The following CDCP1 variants were observed in gnomAD, a reference collection of about 807,000 sequenced individuals.
CDCP1 encodes CUB domain-containing protein 1.
CDCP1 carries 29 observed loss-of-function variants against 60.2 expected under a neutral mutation model. The ratio of observed to expected loss-of-function variants is 0.48; its 90% CI spans 0.36 to 0.66. The LOEUF is 0.66. Ranked by LOEUF, CDCP1 falls within the 30% of genes least tolerant of loss-of-function variation. CDCP1 has a pLI of 0.00. For synonymous variants in CDCP1, 387 were observed against 431.1 expected, an observed-to-expected ratio of 0.90 and a Z score of 1.27; for missense variants, 876 against 1,074.3, an observed-to-expected ratio of 0.82 and a Z score of 2.58.
chr3:45,085,505 GC>G lies in CDCP1; in HGVS notation c.*132del, dbSNP rs1311694220. The G allele has an allele frequency of 3.5e-6, 3 of 860,802 alleles. No individual in the cohort carries two copies. Among genetic ancestry groups the G allele is most frequent in the Admixed American group, 2.4e-5 (1 of 42,476 alleles). The allele number at this position is 860,802 out of a possible 1,614,324, so 53.3% of individuals were successfully genotyped here. On this transcript the variant is annotated 3_prime_UTR_variant, in exon 9 of 9. Coordinates refer to ENST00000296129, the MANE Select transcript of CDCP1 (RefSeq NM_022842.5). The surrounding 1 kb of genome is among the most constrained non-coding windows in gnomAD (Gnocchi z 4.2). The stretch of plus-strand genomic sequence containing the variant: ...GAGTCCACTGAGCAATGTGAAGTTG[GC>G]GGTGTCCAGGAAAACCTCCTGCTGT...
At chr3:45,108,399 A>C (rs751538521) in intron 4 of CDCP1, among the ~76,000 whole-genome samples, 2 of 152,170 alleles carry the variant, frequency 1.3e-5, no homozygotes, top group Non-Finnish European at 2.9e-5. Flanking sequence ...TTGCCCTTTA[A>C]TCTCAGCACT....
chr3:45,122,473 T>A (rs1450878975), intron 1 of CDCP1, among the ~76,000 whole-genome samples: 1 of 149,638 alleles, frequency 6.7e-6, no homozygotes. Context: ...TTTAGAAATT[T>A]TTTTTTGAGA....
At chr3:45,135,376 T>C (rs1159680116) in intron 1 of CDCP1, among the ~76,000 whole-genome samples, 2 of 151,996 alleles carry the variant, frequency 1.3e-5, no homozygotes, top group Non-Finnish European at 2.9e-5. Flanking sequence ...CTGCATTCCT[T>C]CCTTACAGTA....
chr3:45,138,662 G>A (rs1029466314), intron 1 of CDCP1, among the ~76,000 whole-genome samples: 3 of 152,026 alleles, frequency 2.0e-5, no homozygotes, highest in Non-Finnish European at 4.4e-5. Context: ...CAGCCTGGCC[G>A]ACATGGTGAA....
chr3:45,095,252 T>C (rs1698378602), intron 5 of CDCP1, 95 bp downstream of exon 5: 1 of 1,158,444 alleles, frequency 8.6e-7, no homozygotes, highest in Non-Finnish European at 1.3e-6. Context: ...CTTTTTGATA[T>C]GATTTACAAC....
chr3:45,111,839 A>AT lies in CDCP1; in HGVS notation c.655+243dup, dbSNP rs1038022195. On this transcript the variant is annotated intron_variant, in intron 3 of 8. Coordinates refer to ENST00000296129, the MANE Select transcript of CDCP1 (RefSeq NM_022842.5). ...GGGTCTGTAGAACCAATCCCTTGTC[A>AT]TTTTTTTGAAAACAAGTATCACATG... is the stretch of plus-strand genomic sequence containing the variant. Among the ~76,000 whole-genome samples, 8 of 152,322 alleles carry AT rather than the reference A, an allele frequency of 5.3e-5. No individual in the cohort carries two copies. In the South Asian group the frequency reaches 1.2e-3, roughly 24 times the overall value.
chr3:45,112,484 C>A (rs1446596190), intron 2 of CDCP1, 39 bp from the exon 3 acceptor site: 1 of 1,587,772 alleles, frequency 6.3e-7, no homozygotes, highest in East Asian at 2.2e-5. Flanking sequence ...ATCACAGATG[C>A]TCCAAGGCCC....
intron 4 of CDCP1, among the ~76,000 whole-genome samples, chr3:45,103,005 C>T (rs1327355097): frequency 6.6e-6 from 1 of 151,464 alleles, no homozygotes; most frequent in African/African-American, 2.4e-5. Flanking sequence ...TAATAAAATA[C>T]ACAGATCTTA....
chr3:45,088,311 G>A (rs1257612243), intron 8 of CDCP1, among the ~76,000 whole-genome samples: 2 of 150,868 alleles, frequency 1.3e-5, no homozygotes, highest in African/African-American at 4.9e-5. Flanking sequence ...GTGAAATCCC[G>A]TTTCTACAAA....
chr3:45,110,785 C>T lies in CDCP1; in HGVS notation c.712G>A (p.Ala238Thr). Residue 238 changes from alanine to threonine, a missense_variant, in exon 4 of 9, where the codon GCC becomes ACC. Ala to Thr is a moderately conservative substitution (Grantham distance 58, BLOSUM62 0). Around this residue, in one of 2 missense-constraint regions of CDCP1, gnomAD observed 726 missense variants for 935.7 expected, o/e 0.78. Transcript: ENST00000296129. ...EGEGSATLMS[A>T]NYPEGFPEDE... ...TCAGGGAAGCCTTCTGGGTAGTTGGCAGACATCAGGGTTGCTGAGCCTTCA... is the reference window on the plus strand; with the variant it reads ...TCAGGGAAGCCTTCTGGGTAGTTGGTAGACATCAGGGTTGCTGAGCCTTCA... 6.2e-7 allele frequency: 1 copy of T among 1,614,112 alleles called. No homozygotes were observed. The highest frequency in any genetic ancestry group is 8.5e-7 in the Non-Finnish European group (1 of 1,180,016).
At chr3:45,115,511 G>T (rs886682353) in intron 2 of CDCP1, among the ~76,000 whole-genome samples, 33 of 152,076 alleles carry the variant, frequency 2.2e-4, no homozygotes, top group Non-Finnish European at 2.9e-4. Flanking sequence ...ACTATTTTGG[G>T]CATCTTTCTA....
chr3:45,088,853 G>GTT (rs545350266), intron 8 of CDCP1, among the ~76,000 whole-genome samples: 359 of 151,964 alleles, frequency 2.4e-3, no homozygotes, highest in African/African-American at 8.4e-3. Context: ...TGTCACGTGT[G>GTT]TTTTATCCCC....
At chr3:45,145,949 C>G (rs113817122) in intron 1 of CDCP1, among the ~76,000 whole-genome samples, 5,739 of 151,936 alleles carry the variant, frequency 0.038, 102 homozygotes, top group Middle Eastern at 0.096. Context: ...GCTCCCCGAT[C>G]GGGGACACTC....
chr3:45,145,119 T>C (rs779221248), intron 1 of CDCP1, among the ~76,000 whole-genome samples: 25 of 152,178 alleles, frequency 1.6e-4, no homozygotes, highest in Non-Finnish European at 3.2e-4. Context: ...GGAGCTTATA[T>C]TGATATTTTA....
chr3:45,111,205 T>C (rs1403930068), intron 3 of CDCP1, among the ~76,000 whole-genome samples: 1 of 152,190 alleles, frequency 6.6e-6, no homozygotes, highest in African/African-American at 2.4e-5. Context: ...TCCATACAGA[T>C]ACGACAACAC....
rs1553609887 is a variant in CDCP1 at position 45,112,128 on chromosome 3, T to C, written c.610A>G (p.Arg204Gly). The part of the protein sequence containing the change: ...MALHLPWFHP[R>G]NVSGFSIANR... ...GCAATGCTGAAGCCGGAGACATTTC[T>C]GGGGTGGAACCATGGGAGGTGTAAG... The change falls in exon 3 of 9, where the codon AGA becomes GGA. Residue 204 changes from arginine to glycine, a missense_variant. Arg to Gly is a moderately radical substitution (Grantham distance 125). Coordinates refer to ENST00000296129, the MANE Select transcript of CDCP1 (RefSeq NM_022842.5). 3.7e-6 allele frequency: 6 copies of C among 1,614,082 alleles called. No homozygotes were observed. The South Asian group carries it at 6.6e-5, about 18-fold the overall frequency.
Position 45,091,608 on chromosome 3 carries a change from G to A in CDCP1, c.1628-70C>T, listed in dbSNP as rs1350643020. 12 of 1,490,580 alleles carry A rather than the reference G, an allele frequency of 8.1e-6. No individual in the cohort carries two copies. The African/African-American group carries it at 1.5e-4, about 19-fold the overall frequency. 92.3% of individuals were successfully genotyped at this position (1,490,580 alleles called of 1,614,324 possible). A position where few individuals can be genotyped will look rare whatever the true frequency, so the allele number is the denominator to read the frequency against. On this transcript the variant is annotated intron_variant, in intron 6 of 8. Transcript: ENST00000296129. This position sits in a 1 kb window ranked among gnomAD's most constrained non-coding sequence, Gnocchi z 4.8. ...AACATGGAGAGGAAAGGGAGTGGTG[G>A]AGGAGACGAAGTCCAACTGTCCAGA...
At chr3:45,102,941 C>T (rs937322946) in intron 4 of CDCP1, among the ~76,000 whole-genome samples, 5 of 150,758 alleles carry the variant, frequency 3.3e-5, no homozygotes, top group African/African-American at 7.3e-5. Flanking sequence ...GGATTACAGG[C>T]GTGAGCCACC....
rs1371799827 is a variant in CDCP1, at chr3:45,089,051, T to C, written c.2081+3A>G. ...GATAAAGAGAGTAAGAGATTCCACC[T>C]ACTTCTTTTTCACACAGCAAATGAT... On this transcript the variant is annotated splice_donor_region_variant and intron_variant, in intron 8 of 8. Coordinates refer to ENST00000296129, the MANE Select transcript of CDCP1 (RefSeq NM_022842.5). The C allele has an allele frequency of 2.5e-6, 4 of 1,611,460 alleles. No individual in the cohort carries two copies. Among genetic ancestry groups the C allele is most frequent in the Non-Finnish European group, 3.4e-6 (4 of 1,177,594 alleles).
Sources: allele counts gnomAD v4.1 joint callset (sites outside exome capture counted in the v4.1 genomes callset), GRCh38; gene constraint gnomAD v4.1.1; regional missense constraint gnomAD v4.1.1; non-coding constraint Gnocchi (gnomAD v3.1); transcripts MANE v1.5; gene names NCBI Gene and HGNC (gene_info 2026-07-23, HGNC 2026-07-21).